The following ODF2 variants were observed in gnomAD, a reference collection of about 807,000 sequenced individuals.
ODF2 encodes outer dense fiber of sperm tails 2.
In ODF2, 47 loss-of-function variants were observed where a neutral mutation model predicts 110.2. That is an observed-to-expected ratio of 0.43 (90% CI 0.34 to 0.54). ODF2 has a LOEUF of 0.54. ODF2 is among the 20% of genes least tolerant of loss of function. The pLI, the probability that ODF2 is intolerant of heterozygous loss-of-function variation, is 0.03. For missense variants in ODF2, 812 were observed against 1,054.5 expected (o/e 0.77, Z 3.19); for synonymous variants, 352 against 397.7 (o/e 0.89, Z 1.37).
chr9:128,461,680 A>G (rs1469031270), intron 4 of ODF2, among the ~76,000 whole-genome samples: 1 of 152,142 alleles, frequency 6.6e-6, no homozygotes, highest in Non-Finnish European at 1.5e-5. Flanking sequence ...CGGCCTCCCA[A>G]GGTGTTGGGA....
At chr9:128,491,634 A>C (rs2132203963) in intron 14 of ODF2, among the ~76,000 whole-genome samples, 1 of 151,948 alleles carries the variant, frequency 6.6e-6, no homozygotes, top group South Asian at 2.1e-4. Context: ...TTTGCACTCC[A>C]GCCTGGGTGA....
chr9:128,484,605 G>C, intron 11 of ODF2, 96 bp from the exon 12 acceptor site: 1 of 1,320,596 alleles, frequency 7.6e-7, no homozygotes, highest in Non-Finnish European at 1.1e-6. Context: ...CTTTGCTCTT[G>C]CCTTTTCCTC....
At chr9:128,497,110 G>T (rs1845679046) in intron 18 of ODF2, among the ~76,000 whole-genome samples, 1 of 152,024 alleles carries the variant, frequency 6.6e-6, no homozygotes, top group South Asian at 2.1e-4. Context: ...CTGGCATAGA[G>T]AAGCGCTCAG....
chr9:128,456,191 ACCCTGG>A, exon 1 of ODF2: 1 of 1,548,422 alleles, frequency 6.5e-7, no homozygotes, highest in Middle Eastern at 1.7e-4. Context: ...CCATGGCACG[ACCCTGG>A]CCTCCGACTT....
chr9:128,491,937 C>G (rs920282441), intron 14 of ODF2, among the ~76,000 whole-genome samples: 1 of 148,562 alleles, frequency 6.7e-6, no homozygotes, highest in Non-Finnish European at 1.5e-5. Flanking sequence ...CACGATCTCA[C>G]CTTACTGCAA....
chr9:128,500,163 C>G (rs767211056), exon 21 of ODF2: 33 of 1,614,138 alleles, frequency 2.0e-5, no homozygotes, highest in Non-Finnish European at 2.8e-5. Context: ...CGTCCAGTTC[C>G]TCAAATCATC....
At chr9:128,463,639 A>G (rs1394495987) in intron 4 of ODF2, among the ~76,000 whole-genome samples, 1 of 151,984 alleles carries the variant, frequency 6.6e-6, no homozygotes, top group Non-Finnish European at 1.5e-5. Flanking sequence ...TGAAGCATGG[A>G]GATGCACAAC....
intron 5 of ODF2, 76 bp from the exon 6 acceptor site, chr9:128,471,231 CA>C: frequency 6.9e-7 from 1 of 1,446,578 alleles, no homozygotes; most frequent in Non-Finnish European, 9.2e-7. Context: ...TATTTTGGTC[CA>C]AAGCATTGAG....
At chr9:128,474,894 G>A (rs1418861024) in intron 8 of ODF2, among the ~76,000 whole-genome samples, 1 of 151,954 alleles carries the variant, frequency 6.6e-6, no homozygotes, top group Non-Finnish European at 1.5e-5. Flanking sequence ...AACCTGGGAG[G>A]CGGAGGTTGC....
At chr9:128,473,820 A>C in intron 8 of ODF2, 79 bp downstream of exon 8, 1 of 1,406,710 alleles carries the variant, frequency 7.1e-7, no homozygotes, top group Non-Finnish European at 9.9e-7. Context: ...CTGTAAAAAG[A>C]AAATAAGATT....
chr9:128,498,605 C>A, intron 19 of ODF2, 30 bp downstream of exon 19: 1 of 1,299,436 alleles, frequency 7.7e-7, no homozygotes, highest in South Asian at 1.3e-5. Flanking sequence ...ATGACTAGCT[C>A]TGTGACCTTG....
chr9:128,500,322 T>C, exon 21 of ODF2: 1 of 1,520,672 alleles, frequency 6.6e-7, no homozygotes, highest in Non-Finnish European at 9.0e-7. Context: ...AAGCCATAGC[T>C]GAGAAGCCTG....
chr9:128,495,920 C>T, intron 17 of ODF2, 121 bp from the exon 18 acceptor site: 1 of 1,177,008 alleles, frequency 8.5e-7, no homozygotes, highest in Non-Finnish European at 1.2e-6. Flanking sequence ...TGCGTTGAGA[C>T]TTGGACACCT....
chr9:128,497,463 A>ATATATATATATATATATATATATG (rs1845841044), intron 18 of ODF2: 6 of 102,092 alleles, frequency 5.9e-5, no homozygotes, highest in South Asian at 3.2e-4. Flanking sequence ...ATATATATAT[A>ATATATATATATATATATATATATG]TATATATATA....
chr9:128,495,887 G>A (rs997692307), intron 17 of ODF2, among the ~76,000 whole-genome samples, 154 bp from the exon 18 acceptor site: 4 of 152,108 alleles, frequency 2.6e-5, no homozygotes, highest in South Asian at 2.1e-4. Flanking sequence ...ACCTGTCCCT[G>A]CTGTCCTTTC....
chr9:128,459,378 A>G (rs985539332), intron 2 of ODF2, among the ~76,000 whole-genome samples, 189 bp from the exon 2 acceptor site: 4 of 152,038 alleles, frequency 2.6e-5, no homozygotes, highest in African/African-American at 9.7e-5. Flanking sequence ...CTGTCACCCT[A>G]TTTCCATCCC....
At chr9:128,471,285 C>T (rs1462024754) in intron 5 of ODF2, 23 bp from the exon 6 acceptor site, 12 of 1,587,308 alleles carry the variant, frequency 7.6e-6, no homozygotes, top group East Asian at 4.6e-5. Flanking sequence ...TTCAGTGGCC[C>T]CTGCCTGGGT....
chr9:128,481,532 G>A, intron 8 of ODF2, 48 bp from the exon 9 acceptor site: 1 of 1,416,368 alleles, frequency 7.1e-7, no homozygotes, highest in African/African-American at 1.4e-5. Flanking sequence ...GTAGACATCT[G>A]GGTTTATTGC....
intron 3 of ODF2, chr9:128,460,624 C>G (rs920551207): frequency 9.3e-6 from 15 of 1,613,964 alleles, no homozygotes; most frequent in Non-Finnish European, 1.1e-5. Flanking sequence ...CTGTCCACGT[C>G]CACATAAAAA....
Sources: allele counts gnomAD v4.1 joint callset (sites outside exome capture counted in the v4.1 genomes callset), GRCh38; gene constraint gnomAD v4.1.1; transcripts MANE v1.5; gene names NCBI Gene and HGNC (gene_info 2026-07-23, HGNC 2026-07-21).